The following PSME4 variants were observed in gnomAD, a reference collection of about 807,000 sequenced individuals.
The protein encoded by PSME4 is proteasome activator subunit 4, also known as proteasome activator complex subunit 4.
In PSME4, 89 loss-of-function variants were observed where a neutral mutation model predicts 253.9. That is an observed-to-expected ratio of 0.35 (90% CI 0.30 to 0.42). PSME4 has a LOEUF of 0.42. Among genes scored for constraint, PSME4 ranks in the 10% least tolerant of loss-of-function variants. The pLI, the probability that PSME4 is intolerant of heterozygous loss-of-function variation, is 1.00. For missense variants in PSME4, 2,014 were observed against 2,195.2 expected (o/e 0.92, Z 1.65); for synonymous variants, 851 against 759.2 (o/e 1.12, Z -1.99).
intron 7 of PSME4, among the ~76,000 whole-genome samples, chr2:53,935,106 T>C (rs574033674): frequency 2.6e-5 from 4 of 152,348 alleles, no homozygotes; most frequent in Non-Finnish European, 5.9e-5. Context: ...TCCTATTCCA[T>C]GTCAAGCATG....
chr2:53,866,810 G>A lies in PSME4; in HGVS notation c.5334C>T (p.Pro1778=). 1.2e-6 allele frequency: 2 copies of A among 1,613,952 alleles called. No homozygotes were observed. The highest frequency in any genetic ancestry group is 1.3e-5 in the African/African-American group (1 of 75,010). ...ACVLSSPYDV[P]TWMPQLLMNL... ...TCATGAGGAGCTGGGGCATCCAGGT[G>A]GGAACATCGTAAGGACTAGAAAGAA... Residue 1778 remains proline, a synonymous_variant, in exon 45 of 47, where the codon CCC becomes CCT. Transcript: ENST00000404125.
chr2:53,916,410 C>A (rs1668066425), intron 20 of PSME4, among the ~76,000 whole-genome samples: 1 of 152,114 alleles, frequency 6.6e-6, no homozygotes, highest in South Asian at 2.1e-4. Flanking sequence ...ATATTCATGA[C>A]AATTATGTGT....
At chr2:53,930,033 T>A (rs1182930682) in intron 10 of PSME4, among the ~76,000 whole-genome samples, 5 of 150,212 alleles carry the variant, frequency 3.3e-5, no homozygotes, top group Middle Eastern at 6.8e-3. Flanking sequence ...AAATAAATAA[T>A]AAATAAATAA....
rs566620798 is a variant in PSME4, at chr2:53,910,423, C to T, written c.2517-293G>A. On this transcript the variant is annotated intron_variant, in intron 20 of 46. Coordinates refer to ENST00000404125, the MANE Select transcript of PSME4 (RefSeq NM_014614.3). ...AATGTAAAAGATTAAATATGATAAA[C>T]CTTTACATAAAGAAAAGTCAGCTTA... Among the ~76,000 whole-genome samples the T allele has an allele frequency of 3.9e-5, 6 of 152,198 alleles. No homozygotes were observed. In the South Asian group the frequency reaches 6.2e-4, roughly 16 times the overall value.
chr2:53,898,633 G>GCACACACACACACA (rs199900623), intron 29 of PSME4, among the ~76,000 whole-genome samples: 1 of 142,402 alleles, frequency 7.0e-6, no homozygotes, highest in Non-Finnish European at 1.6e-5. Flanking sequence ...ATTGGGAGTG[G>GCACACACACACACA]CACACACACA....
chr2:53,948,320 C>G (rs770084840), intron 3 of PSME4, 101 bp downstream of exon 3: 2 of 752,620 alleles, frequency 2.7e-6, no homozygotes, highest in Non-Finnish European at 4.6e-6. Flanking sequence ...ATTAAAATAT[C>G]TGCTTGTTTC....
At chr2:53,923,208 G>A in intron 15 of PSME4, 90 bp from the exon 16 acceptor site, 1 of 1,463,412 alleles carries the variant, frequency 6.8e-7, no homozygotes, top group Non-Finnish European at 9.3e-7. Flanking sequence ...CTGTAAATAA[G>A]CAGCTACTGA....
chr2:53,896,879 T>C lies in PSME4; in HGVS notation c.3613A>G (p.Ile1205Val). The change falls in exon 32 of 47, where the codon ATC becomes GTC. Residue 1205 changes from isoleucine to valine, a missense_variant. Physicochemically the swap from Ile to Val is conservative, Grantham distance 29. This residue lies in a region of PSME4 where 989 missense variants were observed against 1,021.1 expected (regional missense o/e 0.97). Coordinates refer to ENST00000404125, the MANE Select transcript of PSME4 (RefSeq NM_014614.3). ...HDAIVVRKMA[I>V]SAVAGILKQL... Reference sequence around the variant, plus strand: ...TTAAGGATACCAGCAACAGCTGAGATAGCCATCTAGAAAAGGAAAAAGGTA... The same window carrying C: ...TTAAGGATACCAGCAACAGCTGAGACAGCCATCTAGAAAAGGAAAAAGGTA... 3.1e-6 allele frequency: 5 copies of C among 1,610,120 alleles called. No individual in the cohort carries two copies. The highest frequency in any genetic ancestry group is 1.1e-5 in the South Asian group (1 of 90,996).
intron 44 of PSME4, among the ~76,000 whole-genome samples, chr2:53,868,070 G>C (rs1270854850): frequency 2.0e-5 from 3 of 152,008 alleles, no homozygotes; most frequent in Non-Finnish European, 4.4e-5. Flanking sequence ...TTGAAGGTAA[G>C]GAAAAGAGAA....
chr2:53,918,247 A>G (rs1668144982), intron 20 of PSME4, among the ~76,000 whole-genome samples: 1 of 152,246 alleles, frequency 6.6e-6, no homozygotes, highest in Non-Finnish European at 1.5e-5. Flanking sequence ...CTTGCTTAGT[A>G]ACAAGATATT....
chr2:53,925,547 T>G lies in PSME4; in HGVS notation c.1801A>C (p.Ile601Leu). The G allele has an allele frequency of 3.2e-6, 5 of 1,548,430 alleles. No individual in the cohort carries two copies. The highest frequency in any genetic ancestry group is 3.5e-6 in the Non-Finnish European group (4 of 1,136,642). The change falls in exon 14 of 47, where the codon ATA (isoleucine) becomes CTA (leucine). Residue 601 changes from isoleucine (I) to leucine (L), a missense_variant. By Grantham distance (5) the Ile-to-Leu change is conservative (BLOSUM62 2). This residue lies in a region of PSME4 where 989 missense variants were observed against 1,021.1 expected (regional missense o/e 0.97). Transcript: ENST00000404125. The stretch of plus-strand genomic sequence containing the variant: ...TGCAGCAATGTTCTTACCATAAATA[T>G]TTCTTTGGAACATTGGGTGAGGATT... ...STILTQCSKE[I>L]FMVALQKVFN...
intron 33 of PSME4, 76 bp from the exon 34 acceptor site, chr2:53,895,152 G>GT: frequency 7.4e-7 from 1 of 1,345,724 alleles, no homozygotes; most frequent in Non-Finnish European, 1.0e-6. Context: ...AGCATTAGAA[G>GT]GCACTTTTAA....
intron 41 of PSME4, among the ~76,000 whole-genome samples, chr2:53,883,620 G>C (rs1679498023): frequency 6.6e-6 from 1 of 152,132 alleles, no homozygotes; most frequent in African/African-American, 2.4e-5. Context: ...AAATAATCTA[G>C]TCCTCTTAAA....
intron 10 of PSME4, among the ~76,000 whole-genome samples, chr2:53,931,235 A>C (rs890553540): frequency 6.6e-6 from 1 of 151,840 alleles, no homozygotes; most frequent in Admixed American, 6.6e-5. Flanking sequence ...CAAGATTTGC[A>C]CTCCAGCCTG....
chr2:53,912,866 G>A (rs1016396214), intron 20 of PSME4, among the ~76,000 whole-genome samples: 1 of 152,110 alleles, frequency 6.6e-6, no homozygotes, highest in Non-Finnish European at 1.5e-5. Context: ...AGATCTCATT[G>A]TGCCCAGGAT....
rs145793198 is a variant in PSME4, at chr2:53,969,749, A to T, written c.242+794T>A. ...AGTTTGAAGCTAGTTTACAAACAGAACTCCTGAAACTGATTTAGGTAATCT... is the reference window on the plus strand; with the variant it reads ...AGTTTGAAGCTAGTTTACAAACAGATCTCCTGAAACTGATTTAGGTAATCT... On this transcript the variant is annotated intron_variant, in intron 1 of 46. Transcript: ENST00000404125. Among the ~76,000 whole-genome samples, 584 of 151,622 alleles carry T rather than the reference A, an allele frequency of 3.9e-3. 6 individuals carry two copies. Among genetic ancestry groups the T allele is most frequent in the African/African-American group, 0.014 (572 of 41,292 alleles).
chr2:53,953,135 C>A (rs1332978596), intron 1 of PSME4, among the ~76,000 whole-genome samples: 1 of 152,166 alleles, frequency 6.6e-6, no homozygotes, highest in East Asian at 1.9e-4. Context: ...CGCCAACCAG[C>A]AAGTGGTTCT....
chr2:53,889,930 G>A (rs1185379507), intron 37 of PSME4, among the ~76,000 whole-genome samples, 174 bp downstream of exon 37: 1 of 152,098 alleles, frequency 6.6e-6, no homozygotes, highest in East Asian at 1.9e-4. Context: ...CAAGAAGTGA[G>A]TTACCTCACT....
At chr2:53,967,679 A>AAG (rs1670808609) in intron 1 of PSME4, among the ~76,000 whole-genome samples, 5 of 139,944 alleles carry the variant, frequency 3.6e-5, no homozygotes, top group African/African-American at 1.4e-4. Context: ...AAAAAAAAAA[A>AAG]GTCAAAAAGA....
Sources: gnomAD v4.1 joint callset for allele counts (sites outside exome capture counted in the v4.1 genomes callset) on GRCh38, gnomAD v4.1.1 for gene constraint, gnomAD v4.1.1 regional missense constraint, MANE v1.5 for transcripts, NCBI Gene and HGNC (gene_info 2026-07-23, HGNC 2026-07-21) for gene names.